ZNF536: variants seen among roughly 807,000 people sequenced by gnomAD.
ZNF536 encodes zinc finger protein 536.
Under a neutral mutation model 84.5 loss-of-function variants are expected in ZNF536, and 13 were observed. That is an observed-to-expected ratio of 0.15 (90% confidence interval 0.10 to 0.24). ZNF536 has a LOEUF of 0.24. ZNF536 is among the 10% of genes least tolerant of loss of function. ZNF536 has a pLI of 1.00. For missense variants in ZNF536, 1,536 were observed against 1,747.5 expected (o/e 0.88, Z 2.16); for synonymous variants, 811 against 742.5 (o/e 1.09, Z -1.50).
At chr19:30,474,518 C>T (rs58114373) in intron 2 of ZNF536, among the ~76,000 whole-genome samples, 37,498 of 151,850 alleles carry the variant, frequency 0.25, 6,047 homozygotes, top group East Asian at 0.44. Context: ...GCAGTGTGGC[C>T]GGGTCCTGTG....
chr19:30,660,307 C>T (rs186422487), intron 1 of ZNF536, among the ~76,000 whole-genome samples: 10 of 152,230 alleles, frequency 6.6e-5, no homozygotes, highest in South Asian at 2.1e-4. Context: ...CACACCTTTC[C>T]GAGAGACGTT....
chr19:30,423,796 C>CG (rs1202673162), intron 1 of ZNF536, among the ~76,000 whole-genome samples: 1 of 120,794 alleles, frequency 8.3e-6, no homozygotes, highest in East Asian at 2.7e-4. Flanking sequence ...GCAGCTGTGG[C>CG]GGGGAACGGG....
chr19:30,290,505 C>G (rs985203372), intron 2 of ZNF536, among the ~76,000 whole-genome samples: 1 of 151,994 alleles, frequency 6.6e-6, no homozygotes, highest in Non-Finnish European at 1.5e-5. Flanking sequence ...CTTCTGGGCT[C>G]GAATCATCTG....
chr19:30,324,493 C>T (rs1242856036), intron 2 of ZNF536, among the ~76,000 whole-genome samples: 1 of 152,222 alleles, frequency 6.6e-6, no homozygotes, highest in Non-Finnish European at 1.5e-5. Context: ...GACAGTCCTC[C>T]CACTTCAGCT....
At chr19:30,700,767 TA>T (rs755173812) in intron 1 of ZNF536, among the ~76,000 whole-genome samples, 40 of 152,340 alleles carry the variant, frequency 2.6e-4, no homozygotes, top group Middle Eastern at 3.4e-3. Context: ...AATTGACCTA[TA>T]GGGGGATACC....
intron 2 of ZNF536, among the ~76,000 whole-genome samples, chr19:30,338,651 T>C (rs1443453854): frequency 2.6e-5 from 4 of 152,298 alleles, no homozygotes; most frequent in South Asian, 2.1e-4. Context: ...TGACCTCCTT[T>C]TGCCCCAGTT....
upstream of ZNF536, among the ~76,000 whole-genome samples, chr19:30,368,423 C>T (rs2048506751): frequency 6.6e-6 from 1 of 152,230 alleles, no homozygotes; most frequent in Non-Finnish European, 1.5e-5. Context: ...CTCACTACCT[C>T]GCTTGCCTTT....
intron 2 of ZNF536, among the ~76,000 whole-genome samples, chr19:30,451,456 T>G (rs2052603817): frequency 6.6e-6 from 1 of 152,238 alleles, no homozygotes; most frequent in Non-Finnish European, 1.5e-5. Flanking sequence ...TTACCATCTT[T>G]CTGACCCCTT....
At chr19:30,711,756 C>CT (rs991648337) in exon 2 of ZNF536, 5 of 151,420 alleles carry the variant, frequency 3.3e-5, no homozygotes, top group African/African-American at 7.3e-5. Context: ...GCCTTTTCTT[C>CT]TTTTTTAAAA....
chr19:30,238,312 A>T (rs564349078), intron 1 of ZNF536, among the ~76,000 whole-genome samples: 1 of 152,076 alleles, frequency 6.6e-6, no homozygotes, highest in Admixed American at 6.5e-5. Context: ...TTGATTTCCT[A>T]TGTATCTGAA....
At chr19:30,227,903 C>A (rs1018173590), upstream of ZNF536, among the ~76,000 whole-genome samples, 6 of 151,618 alleles carry the variant, frequency 4.0e-5, no homozygotes, top group Non-Finnish European at 5.9e-5. Flanking sequence ...CGGGGATGGG[C>A]GCGGGAAGCA....
rs1415654722 is a variant in ZNF536 at position 30,691,096 on chromosome 19, A to T, written c.170-19661A>T. ...AGTTAAGGGCTGGAGGTGGGGAGGG[A>T]GATTTGTTTGCACAGACCAGAGGCC... is the stretch of plus-strand genomic sequence containing the variant. On this transcript the variant is annotated intron_variant, in intron 1 of 1. Transcript: ENST00000592773. Among the ~76,000 whole-genome samples, 5 of 152,064 alleles carry T rather than the reference A, an allele frequency of 3.3e-5. No individual in the cohort carries two copies. In the East Asian group the frequency reaches 9.7e-4, roughly 29 times the overall value.
chr19:30,351,810 T>C (rs1016928467), intron 2 of ZNF536, among the ~76,000 whole-genome samples: 8 of 152,218 alleles, frequency 5.3e-5, no homozygotes, highest in African/African-American at 1.9e-4. Flanking sequence ...AAGCCTGTCC[T>C]CTCTTGGTAA....
intron 1 of ZNF536, among the ~76,000 whole-genome samples, chr19:30,591,975 T>C (rs1477509924): frequency 6.6e-6 from 1 of 152,240 alleles, no homozygotes; most frequent in Non-Finnish European, 1.5e-5. Context: ...TTTATTTTCA[T>C]ATTAAAATTA....
intron 1 of ZNF536, among the ~76,000 whole-genome samples, chr19:30,389,106 T>C (rs1000550823): frequency 6.6e-6 from 1 of 152,236 alleles, no homozygotes; most frequent in Non-Finnish European, 1.5e-5. Flanking sequence ...CCTGCCTGTT[T>C]CCTTTCCTTG....
intron 2 of ZNF536, among the ~76,000 whole-genome samples, chr19:30,288,104 C>A (rs1459035494): frequency 6.6e-6 from 1 of 152,154 alleles, no homozygotes; most frequent in Non-Finnish European, 1.5e-5. Flanking sequence ...ATAAAAATGT[C>A]TTTAAAAATC....
At chr19:30,639,705 T>C (rs2049195235) in intron 1 of ZNF536, among the ~76,000 whole-genome samples, 1 of 152,336 alleles carries the variant, frequency 6.6e-6, no homozygotes, top group African/African-American at 2.4e-5. Context: ...GGGGTGCTTA[T>C]CAGGAAACTT....
chr19:30,697,096 G>A (rs1429012826), intron 1 of ZNF536, among the ~76,000 whole-genome samples: 1 of 152,182 alleles, frequency 6.6e-6, no homozygotes, highest in African/African-American at 2.4e-5. Flanking sequence ...ATGGCGTAAG[G>A]TAAAGGGGAA....
At chr19:30,438,065 G>A (rs1196421754) in intron 1 of ZNF536, among the ~76,000 whole-genome samples, 1 of 152,126 alleles carries the variant, frequency 6.6e-6, no homozygotes, top group Non-Finnish European at 1.5e-5. Flanking sequence ...CCAGGATCAT[G>A]GCCTGCCCTC....
Sources: allele counts gnomAD v4.1 joint callset (sites outside exome capture counted in the v4.1 genomes callset), GRCh38; gene constraint gnomAD v4.1.1; transcripts MANE v1.5; gene names NCBI Gene and HGNC (gene_info 2026-07-23, HGNC 2026-07-21).